Variants in DPH6 observed in about 807,000 individuals in gnomAD.
DPH6 encodes diphthamine biosynthesis 6.
In DPH6, 33 loss-of-function variants were observed where a neutral mutation model predicts 38.2. The observed-to-expected ratio is 0.86, with a 90% confidence interval of 0.65 to 1.15. DPH6 has a LOEUF of 1.15. Ranked by LOEUF, DPH6 falls within the 50% of genes most tolerant of loss-of-function variation. The pLI, the probability that DPH6 is intolerant of heterozygous loss-of-function variation, is 0.00. For missense variants in DPH6, 325 were observed against 320.0 expected (o/e 1.02, Z -0.12); for synonymous variants, 108 against 103.0 (o/e 1.05, Z -0.30).
chr15:35,504,314 A>G (rs968491396), intron 3 of DPH6, among the ~76,000 whole-genome samples: 1 of 152,036 alleles, frequency 6.6e-6, no homozygotes, highest in Non-Finnish European at 1.5e-5. Flanking sequence ...TATGAGAGGT[A>G]TGTGCCATGT....
chr15:35,322,996 C>T (rs145420522), intron 3 of DPH6, among the ~76,000 whole-genome samples: 7 of 152,078 alleles, frequency 4.6e-5, no homozygotes, highest in East Asian at 1.9e-4. Context: ...AATTTAACAA[C>T]GCCTTTGAAC....
intron 5 of DPH6, among the ~76,000 whole-genome samples, chr15:35,427,287 G>A (rs551222303): frequency 4.6e-5 from 7 of 152,022 alleles, no homozygotes; most frequent in South Asian, 2.1e-4. Context: ...GGAAATAATA[G>A]AGCAACTTGA....
chr15:35,352,451 C>A (rs2052522927), intron 3 of DPH6, among the ~76,000 whole-genome samples: 2 of 152,072 alleles, frequency 1.3e-5, no homozygotes, highest in African/African-American at 2.4e-5. Flanking sequence ...CCACAACAGG[C>A]CCCGGTGTGT....
chr15:35,348,628 G>A (rs2052482256), intron 3 of DPH6, among the ~76,000 whole-genome samples: 1 of 151,960 alleles, frequency 6.6e-6, no homozygotes, highest in African/African-American at 2.4e-5. Context: ...AGATTTTTTG[G>A]CTAGTCATGG....
intron 3 of DPH6, among the ~76,000 whole-genome samples, chr15:35,308,311 T>C (rs1162303458): frequency 2.6e-5 from 4 of 152,128 alleles, no homozygotes; most frequent in Non-Finnish European, 4.4e-5. Flanking sequence ...GTATGTGAGG[T>C]GATGGATATG....
chr15:35,489,050 G>A (rs1216770134), intron 3 of DPH6, among the ~76,000 whole-genome samples: 1 of 152,096 alleles, frequency 6.6e-6, no homozygotes, highest in East Asian at 1.9e-4. Flanking sequence ...GGCACCCACA[G>A]ACTTTTTTGT....
At chr15:35,154,087 A>G in the DPH6 span, among the ~76,000 whole-genome samples, 1 of 152,184 alleles carries the variant, frequency 6.6e-6, no homozygotes, top group African/African-American at 2.4e-5. Flanking sequence ...AGTTACAATT[A>G]GGAGGAATAA....
chr15:35,280,908 C>G (rs1482129299), intron 3 of DPH6, among the ~76,000 whole-genome samples: 2 of 152,090 alleles, frequency 1.3e-5, no homozygotes, highest in Non-Finnish European at 2.9e-5. Context: ...CTTTTCTATG[C>G]TTTCTACTGG....
intron 3 of DPH6, among the ~76,000 whole-genome samples, chr15:35,496,437 C>G (rs2054549804): frequency 1.3e-5 from 2 of 150,324 alleles, no homozygotes; most frequent in South Asian, 4.2e-4. Context: ...CACCTGCAAT[C>G]CCAGCTACTT....
chr15:35,177,392 C>G, the DPH6 span, among the ~76,000 whole-genome samples: 6 of 151,028 alleles, frequency 4.0e-5, no homozygotes, highest in Non-Finnish European at 7.4e-5. Flanking sequence ...CTGGGCAACA[C>G]AGTGAGACCC....
At chr15:35,300,004 G>C (rs778176429) in intron 3 of DPH6, among the ~76,000 whole-genome samples, 13 of 152,186 alleles carry the variant, frequency 8.5e-5, no homozygotes, top group Non-Finnish European at 1.9e-4. Context: ...AGGGCAGTTT[G>C]GATGAGTGAC....
intron 3 of DPH6, chr15:35,489,695 CTAA>C: frequency 1.0e-6 from 1 of 973,192 alleles, no homozygotes; most frequent in African/African-American, 1.8e-5. Flanking sequence ...TCTCTTTTGT[CTAA>C]TAATAAAAGG....
chr15:35,522,282 G>C (rs2054933498), intron 3 of DPH6: 1 of 1,611,944 alleles, frequency 6.2e-7, no homozygotes, highest in South Asian at 1.1e-5. Flanking sequence ...TGATGCCCTG[G>C]AAATGGGAAA....
chr15:35,270,086 A>C (rs1340426871), intron 3 of DPH6, among the ~76,000 whole-genome samples: 1 of 152,046 alleles, frequency 6.6e-6, no homozygotes, highest in Non-Finnish European at 1.5e-5. Context: ...GGCGTGAGCC[A>C]CCGCGCCCGG....
At chr15:35,243,310 T>C (rs1245461326) in intron 3 of DPH6, among the ~76,000 whole-genome samples, 2 of 141,298 alleles carry the variant, frequency 1.4e-5, no homozygotes, top group African/African-American at 5.1e-5. Context: ...ACATCGCCCA[T>C]TCTCTCTCCA....
rs551815739 is a variant in DPH6, at chr15:35,307,431, AAAGGT to A, written n.200+66085_200+66089del. On this transcript the variant is annotated intron_variant and non_coding_transcript_variant, in intron 3 of 3. Transcript: ENST00000560386. ...AAGCTTTATAGAAATGCTCCAGATTAAAGGTGACTGAAGAGACTAAATGTAATACC... is the reference window on the plus strand; with the variant it reads ...AAGCTTTATAGAAATGCTCCAGATTAGACTGAAGAGACTAAATGTAATACC... Among the ~76,000 whole-genome samples the A allele has an allele frequency of 5.2e-3, 787 of 152,328 alleles. 3 individuals are homozygous for A. The highest frequency in any genetic ancestry group is 0.018 in the African/African-American group (754 of 41,580).
At chr15:35,438,243 G>A (rs924902151) in intron 5 of DPH6, among the ~76,000 whole-genome samples, 8 of 151,062 alleles carry the variant, frequency 5.3e-5, no homozygotes, top group Non-Finnish European at 8.8e-5. Context: ...ACACATGAGA[G>A]GCCCTAAGAT....
chr15:35,309,417 G>T (rs2052121536), intron 3 of DPH6, among the ~76,000 whole-genome samples: 1 of 152,116 alleles, frequency 6.6e-6, no homozygotes, highest in African/African-American at 2.4e-5. Flanking sequence ...ACTGATTGTG[G>T]CAATGCATAA....
At chr15:35,236,364 C>A (rs529752406) in intron 3 of DPH6, among the ~76,000 whole-genome samples, 1 of 152,152 alleles carries the variant, frequency 6.6e-6, no homozygotes, top group East Asian at 1.9e-4. Flanking sequence ...GTTGGCTGGG[C>A]GCGGTGGCTC....
Sources: gnomAD v4.1 joint callset for allele counts (sites outside exome capture counted in the v4.1 genomes callset) on GRCh38, gnomAD v4.1.1 for gene constraint, MANE v1.5 for transcripts, NCBI Gene and HGNC (gene_info 2026-07-23, HGNC 2026-07-21) for gene names.